Variants in TIAM2 observed in about 807,000 individuals in gnomAD.
The protein encoded by TIAM2 is rho guanine nucleotide exchange factor TIAM2.
TIAM2 carries 80 observed loss-of-function variants against 152.9 expected under a neutral mutation model. That is an observed-to-expected ratio of 0.52 (90% CI 0.44 to 0.63). TIAM2 has a LOEUF of 0.63. Ranked by LOEUF, TIAM2 falls within the 30% of genes least tolerant of loss-of-function variation. The pLI, the probability that TIAM2 is intolerant of heterozygous loss-of-function variation, is 0.00. For missense variants in TIAM2, 1,965 were observed against 2,120.1 expected (o/e 0.93, Z 1.44); for synonymous variants, 804 against 838.0 (o/e 0.96, Z 0.70).
chr6:155,144,677 C>G lies in TIAM2; in HGVS notation c.1702C>G (p.Leu568Val), dbSNP rs201547111. The G allele has an allele frequency of 1.2e-6, 2 of 1,609,194 alleles. No individual in the cohort carries two copies. Among genetic ancestry groups the G allele is most frequent in the Non-Finnish European group, 1.7e-6 (2 of 1,178,406 alleles). Residue 568 changes from leucine (L) to valine (V), a missense_variant, in exon 6 of 27, where the codon CTG becomes GTG. Leu to Val is a conservative substitution (Grantham distance 32). This residue lies in a region of TIAM2 where 1,025 missense variants were observed against 1,119.4 expected (regional missense o/e 0.92). Coordinates refer to ENST00000682666, the MANE Select transcript of TIAM2 (RefSeq NM_012454.4). ...MDQSSAPRCA[L>V]FAEDSIVQSV... The stretch of plus-strand genomic sequence containing the variant: ...TCAGAGCAGTGCCCCTCGGTGTGCT[C>G]TGTTTGCAGAAGACAGCATAGTGCA...
At chr6:155,071,134 C>T (rs1009678914) in intron 1 of TIAM2, among the ~76,000 whole-genome samples, 1 of 152,072 alleles carries the variant, frequency 6.6e-6, no homozygotes, top group Admixed American at 6.5e-5. Context: ...GATCACACCA[C>T]TGCGCTCCAG....
rs139264189 is a variant in TIAM2 at position 155,126,381 on chromosome 6, T to C, written c.-117-1109T>C. Among the ~76,000 whole-genome samples, 5 of 152,280 alleles carry C rather than the reference T, an allele frequency of 3.3e-5. No homozygotes were observed. In the East Asian group the frequency reaches 9.6e-4, roughly 29 times the overall value. On this transcript the variant is annotated intron_variant, in intron 2 of 26. Coordinates refer to ENST00000682666, the MANE Select transcript of TIAM2 (RefSeq NM_012454.4). ...TGCAAGATGGAAAGAGTTCTGAAGA[T>C]GGATGTCGGTGACGGTTGTACAACA...
intron 7 of TIAM2, among the ~76,000 whole-genome samples, chr6:155,157,084 T>A (rs1208557031): frequency 1.3e-5 from 2 of 151,814 alleles, no homozygotes; most frequent in African/African-American, 4.9e-5. Context: ...AGGAACCGTG[T>A]CTGTTTTTTT....
Position 155,111,413 on chromosome 6 carries a change from A to G in TIAM2, c.-117-16077A>G, listed in dbSNP as rs151220247. Among the ~76,000 whole-genome samples, 265 of 152,266 alleles carry G rather than the reference A, an allele frequency of 1.7e-3. 8 individuals carry two copies. The East Asian group carries it at 0.046, about 26-fold the overall frequency. On this transcript the variant is annotated intron_variant, in intron 2 of 26. Coordinates refer to ENST00000682666, the MANE Select transcript of TIAM2 (RefSeq NM_012454.4). ...ACAAGTTAACTATAAAACAACAACA[A>G]TAACAAGCCCCCTGAAATAACAGGA...
Position 155,211,288 on chromosome 6 carries a change from A to G in TIAM2, c.3149A>G (p.Lys1050Arg). 6.2e-7 allele frequency: 1 copy of G among 1,613,420 alleles called. No individual in the cohort carries two copies. Among genetic ancestry groups the G allele is most frequent in the Non-Finnish European group, 8.5e-7 (1 of 1,179,426 alleles). ...GTLDQVSHRE[K>R]MEQTFRSAEQ... is the part of the protein sequence containing the mutation. The stretch of plus-strand genomic sequence containing the variant: ...CTGGATCAGGTTTCCCACAGGGAGA[A>G]AATGGAGCAGACATTCAGGGTAAGA... Residue 1050 changes from lysine to arginine, a missense_variant, in exon 15 of 27, where the codon AAA becomes AGA. By Grantham distance (26) the Lys-to-Arg change is conservative. Transcript: ENST00000682666.
chr6:155,148,339 T>TCAG lies in TIAM2; in HGVS notation c.2028+5_2028+6insCAG. 1 of 1,609,904 alleles carries TCAG rather than the reference T, an allele frequency of 6.2e-7. No individual in the cohort carries two copies. Among genetic ancestry groups the TCAG allele is most frequent in the Non-Finnish European group, 8.5e-7 (1 of 1,178,868 alleles). ...AGGAAAGCCATAGAGAACCAGGTACTGTTTGTCTACACCTGAGTTTTCTTC... is the reference window on the plus strand; with the variant it reads ...AGGAAAGCCATAGAGAACCAGGTACTCAGGTTTGTCTACACCTGAGTTTTCTTC... On this transcript the variant is annotated splice_donor_region_variant and intron_variant, in intron 7 of 26. Coordinates refer to ENST00000682666, the MANE Select transcript of TIAM2 (RefSeq NM_012454.4).
Position 155,213,590 on chromosome 6 carries a change from G to T in TIAM2, c.3168+2283G>T, listed in dbSNP as rs987292708. 2.0e-5 allele frequency among the ~76,000 whole-genome samples: 3 copies of T among 152,206 alleles called. No individual in the cohort carries two copies. Among genetic ancestry groups the T allele is most frequent in the Non-Finnish European group, 4.4e-5 (3 of 68,034 alleles). On this transcript the variant is annotated intron_variant, in intron 15 of 26. Transcript: ENST00000682666. This position sits in a 1 kb window ranked among gnomAD's most constrained non-coding sequence, Gnocchi z 4.2. ...CCCACTCTGGTCTGTGGGACTGGCA[G>T]CCCAGCCCCCAGACTTCAGGCCTTC...
At chr6:155,195,948 A>G (rs1194145640) in intron 14 of TIAM2, among the ~76,000 whole-genome samples, 1 of 152,234 alleles carries the variant, frequency 6.6e-6, no homozygotes, top group Non-Finnish European at 1.5e-5. Flanking sequence ...GCTGACCTCA[A>G]AGACCATTGT....
intron 15 of TIAM2, among the ~76,000 whole-genome samples, chr6:155,227,827 C>A (rs570586253): frequency 6.6e-6 from 1 of 152,220 alleles, no homozygotes; most frequent in African/African-American, 2.4e-5. Context: ...CTGGAGAGAG[C>A]CAGCAGAGGA....
intron 2 of TIAM2, among the ~76,000 whole-genome samples, chr6:155,110,313 C>CTTTTT (rs1488922028): frequency 1.1e-5 from 1 of 90,370 alleles, no homozygotes; most frequent in Non-Finnish European, 2.2e-5. Context: ...TTTCCTCTTT[C>CTTTTT]TTTTCTTTTT....
intron 1 of TIAM2, among the ~76,000 whole-genome samples, chr6:155,047,686 GAGGAGAGAGAGAGAGAGAGC>G (rs1562300074): frequency 0.015 from 331 of 21,770 alleles, 14 homozygotes; most frequent in African/African-American, 0.032. Context: ...GAGAGAGAGA[GAGGAGAGAGAGAGAGAGAGC>G]GAGAGAGAGA....
At chr6:155,092,411 C>A (rs578040777) in intron 2 of TIAM2, among the ~76,000 whole-genome samples, 1 of 151,754 alleles carries the variant, frequency 6.6e-6, no homozygotes, top group South Asian at 2.1e-4. Flanking sequence ...AAGTTATTAA[C>A]CTCTTGATGC....
At chr6:155,185,490 TTTTATTTATTTATTTA>T (rs57784770) in intron 14 of TIAM2, among the ~76,000 whole-genome samples, 60,312 of 145,884 alleles carry the variant, frequency 0.41, 12,529 homozygotes, top group South Asian at 0.52. Context: ...GTTAAGCCAC[TTTTATTTATTTATTTA>T]TTTATTTATT....
intron 1 of TIAM2, among the ~76,000 whole-genome samples, chr6:155,071,458 A>G (rs1777836040): frequency 6.6e-6 from 1 of 152,222 alleles, no homozygotes; most frequent in Non-Finnish European, 1.5e-5. Flanking sequence ...GATATTGTTT[A>G]CTATGCCCTG....
At chr6:155,080,851 A>G (rs1376351399) in intron 1 of TIAM2, among the ~76,000 whole-genome samples, 1 of 152,192 alleles carries the variant, frequency 6.6e-6, no homozygotes, top group East Asian at 1.9e-4. Context: ...CCTGACCAAC[A>G]TCCCCAGTCT....
At chr6:155,154,713 G>T (rs1780064248) in intron 7 of TIAM2, among the ~76,000 whole-genome samples, 1 of 152,144 alleles carries the variant, frequency 6.6e-6, no homozygotes, top group African/African-American at 2.4e-5. Context: ...GGGTAGACAG[G>T]CCTGCTTCTG....
intron 15 of TIAM2, among the ~76,000 whole-genome samples, chr6:155,231,368 C>T (rs1425281122): frequency 6.6e-6 from 1 of 152,188 alleles, no homozygotes; most frequent in Non-Finnish European, 1.5e-5. Flanking sequence ...TTTGGAGCAG[C>T]ATTTCTTCCT....
intron 9 of TIAM2, among the ~76,000 whole-genome samples, chr6:155,170,131 A>G (rs1780547493): frequency 7.7e-6 from 1 of 129,338 alleles, no homozygotes; most frequent in African/African-American, 3.0e-5. Flanking sequence ...CTTACTCTGC[A>G]CTTACCATCT....
intron 2 of TIAM2, among the ~76,000 whole-genome samples, chr6:155,092,064 GT>G (rs554147301): frequency 2.1e-5 from 3 of 143,946 alleles, no homozygotes; most frequent in Non-Finnish European, 3.1e-5. Flanking sequence ...GGCCCGGCTA[GT>G]TTTTTTTATA....
Sources: allele counts gnomAD v4.1 joint callset (sites outside exome capture counted in the v4.1 genomes callset), GRCh38; gene constraint gnomAD v4.1.1; regional missense constraint gnomAD v4.1.1; non-coding constraint Gnocchi (gnomAD v3.1); transcripts MANE v1.5; gene names NCBI Gene and HGNC (gene_info 2026-07-23, HGNC 2026-07-21).